Variants in TBC1D22A observed in about 807,000 individuals in gnomAD.
TBC1D22A encodes the protein putative GTPase activator.
Under a neutral mutation model 60.2 loss-of-function variants are expected in TBC1D22A, and 38 were observed. The ratio of observed to expected loss-of-function variants is 0.63; its 90% CI spans 0.49 to 0.83. The LOEUF is 0.83. Ranked by LOEUF, TBC1D22A falls within the 40% of genes least tolerant of loss-of-function variation. The probability of loss-of-function intolerance (pLI) is 0.00; values close to 1 mark genes in which losing one functional copy is unlikely to be tolerated. For synonymous variants in TBC1D22A, 302 were observed against 281.7 expected, an observed-to-expected ratio of 1.07 and a Z score of -0.72; for missense variants, 628 against 701.0, an observed-to-expected ratio of 0.90 and a Z score of 1.18.
intron 12 of TBC1D22A, among the ~76,000 whole-genome samples, chr22:47,152,478 T>G (rs931523909): frequency 5.3e-5 from 8 of 152,266 alleles, no homozygotes; most frequent in Non-Finnish European, 1.5e-5. Context: ...CCCGCTTCCA[T>G]GGGATGGTGA....
intron 4 of TBC1D22A, among the ~76,000 whole-genome samples, chr22:46,809,600 A>G (rs1667438720): frequency 6.6e-6 from 1 of 152,170 alleles, no homozygotes. Context: ...GGGTCAGGGC[A>G]GTATGGGAAA....
chr22:47,020,356 C>A (rs1035970239), intron 10 of TBC1D22A, among the ~76,000 whole-genome samples: 3 of 152,150 alleles, frequency 2.0e-5, no homozygotes, highest in Admixed American at 2.0e-4. Flanking sequence ...GAGAGAGGGA[C>A]TCTATCCGGG....
At chr22:46,995,781 C>T (rs1179802902) in intron 9 of TBC1D22A, among the ~76,000 whole-genome samples, 8 of 152,134 alleles carry the variant, frequency 5.3e-5, no homozygotes, top group Admixed American at 1.3e-4. Context: ...TCTGTGGCCG[C>T]GTCCCCTCAC....
rs568475207 is a variant in TBC1D22A at position 46,906,400 on chromosome 22, A to AAAT, written c.901-5674_901-5673insAAT. Among the ~76,000 whole-genome samples, 1,110 of 152,256 alleles carry AAAT rather than the reference A, an allele frequency of 7.3e-3. 15 individuals are homozygous for AAAT. The highest frequency in any genetic ancestry group is 0.025 in the African/African-American group (1,037 of 41,558). On this transcript the variant is annotated intron_variant, in intron 7 of 12. Transcript: ENST00000337137. Reference sequence around the variant, plus strand: ...GATTTAATTGGCGAGGCTGGTGTGCATTTAGGATAGGTTAGCTGCCTGGGC... The same window carrying AAAT: ...GATTTAATTGGCGAGGCTGGTGTGCAAATTTTAGGATAGGTTAGCTGCCTGGGC...
chr22:46,907,122 G>A (rs896702972), intron 7 of TBC1D22A, among the ~76,000 whole-genome samples: 3 of 151,848 alleles, frequency 2.0e-5, no homozygotes, highest in Non-Finnish European at 2.9e-5. Context: ...TTCTCCGTGC[G>A]TGTGCTCTTC....
At chr22:46,904,142 T>TCTATCTGCCTAC (rs57116517) in intron 7 of TBC1D22A, among the ~76,000 whole-genome samples, 4,425 of 134,540 alleles carry the variant, frequency 0.033, 115 homozygotes, top group Middle Eastern at 0.078. Flanking sequence ...TATCTATCTA[T>TCTATCTGCCTAC]CTACCTACCT....
chr22:47,117,984 A>G (rs1277034949), intron 12 of TBC1D22A, among the ~76,000 whole-genome samples: 1 of 152,114 alleles, frequency 6.6e-6, no homozygotes, highest in East Asian at 1.9e-4. Context: ...TTAGCTGGGC[A>G]TGCTGGTGGG....
rs1246105409 is a variant in TBC1D22A, at chr22:47,009,675, AC to A, written c.1201+11968del. Among the ~76,000 whole-genome samples, 2 of 151,706 alleles carry A rather than the reference AC, an allele frequency of 1.3e-5. No homozygotes were observed. Among genetic ancestry groups the A allele is most frequent in the African/African-American group, 4.8e-5 (2 of 41,354 alleles). On this transcript the variant is annotated intron_variant, in intron 10 of 12. Transcript: ENST00000337137. The surrounding 1 kb of genome is among the most constrained non-coding windows in gnomAD (Gnocchi z 5.8). ...CATCATCACCATCATCATCACTATCACCAGCATCATTTCATCACCATCACCA... is the reference window on the plus strand; with the variant it reads ...CATCATCACCATCATCATCACTATCACAGCATCATTTCATCACCATCACCA...
At chr22:47,006,207 C>T (rs1256127683) in intron 10 of TBC1D22A, among the ~76,000 whole-genome samples, 3 of 152,212 alleles carry the variant, frequency 2.0e-5, no homozygotes, top group African/African-American at 7.2e-5. Context: ...CACCCTGTCT[C>T]CTCCAGGAGA....
intron 9 of TBC1D22A, among the ~76,000 whole-genome samples, chr22:46,984,508 G>A (rs2074648071): frequency 6.7e-6 from 1 of 149,278 alleles, no homozygotes; most frequent in Non-Finnish European, 1.5e-5. Flanking sequence ...TGCCAAGGTT[G>A]TCGGTTCGCT....
rs184502861 is a variant in TBC1D22A at position 46,793,966 on chromosome 22, C to T, written c.460+125C>T. On this transcript the variant is annotated intron_variant, in intron 3 of 12. Coordinates refer to ENST00000337137, the MANE Select transcript of TBC1D22A (RefSeq NM_014346.5). ...CATTTGCAGCAGGCCCCCTGGCCCA[C>T]GAGAGCCCTTATGGTTCTCTTCCAA... The T allele has an allele frequency of 6.2e-5, 57 of 920,590 alleles. No homozygotes were observed. In the East Asian group the frequency reaches 1.2e-3, roughly 19 times the overall value. The allele number at this position is 920,590 out of a possible 1,614,324, so 57.0% of individuals were successfully genotyped here.
In TBC1D22A at chr22:46,842,742, C is replaced by T. The variant is rs1484955663; in HGVS notation, c.638-35911C>T. 2.6e-5 allele frequency among the ~76,000 whole-genome samples: 4 copies of T among 152,244 alleles called. No individual in the cohort carries two copies. In the East Asian group the frequency reaches 5.8e-4, roughly 22 times the overall value. On this transcript the variant is annotated intron_variant, in intron 4 of 12. Transcript: ENST00000337137. Reference sequence around the variant, plus strand: ...CCAGGGCCCTTTGGCAGTGCACACACTGTGTAGCCACGCCCAGCGGGCAGC... The same window carrying T: ...CCAGGGCCCTTTGGCAGTGCACACATTGTGTAGCCACGCCCAGCGGGCAGC...
chr22:46,948,644 C>CAG (rs769979654), intron 8 of TBC1D22A, among the ~76,000 whole-genome samples: 31 of 152,348 alleles, frequency 2.0e-4, no homozygotes, highest in Non-Finnish European at 3.8e-4. Flanking sequence ...TGATGCAGCA[C>CAG]AGAAGCTGTC....
At chr22:46,893,525 G>A (rs2068512698) in intron 6 of TBC1D22A, among the ~76,000 whole-genome samples, 1 of 152,216 alleles carries the variant, frequency 6.6e-6, no homozygotes, top group Non-Finnish European at 1.5e-5. Context: ...GGGCTTTGCT[G>A]GCCCTGGTCA....
At chr22:46,899,399 G>A (rs1490413641) in intron 7 of TBC1D22A, among the ~76,000 whole-genome samples, 2 of 151,834 alleles carry the variant, frequency 1.3e-5, no homozygotes, top group Non-Finnish European at 2.9e-5. Flanking sequence ...GTGAGCCGAG[G>A]TGGCGCCACT....
intron 10 of TBC1D22A, among the ~76,000 whole-genome samples, chr22:47,036,175 G>A (rs1042908489): frequency 6.6e-6 from 1 of 152,094 alleles, no homozygotes; most frequent in Non-Finnish European, 1.5e-5. Flanking sequence ...GTGCACCTGC[G>A]TTTTAAAAAC....
chr22:46,837,612 A>G (rs1335226117), intron 4 of TBC1D22A, among the ~76,000 whole-genome samples: 1 of 152,232 alleles, frequency 6.6e-6, no homozygotes, highest in Non-Finnish European at 1.5e-5. Flanking sequence ...CGTGAACAAG[A>G]CACCCCTAAA....
At chr22:46,902,232 G>A (rs2069049709) in intron 7 of TBC1D22A, among the ~76,000 whole-genome samples, 1 of 152,232 alleles carries the variant, frequency 6.6e-6, no homozygotes, top group Admixed American at 6.5e-5. Context: ...CTGAAGTTTG[G>A]CAAGCAAGCT....
At position 46,828,946 on chromosome 22, in the gene TBC1D22A, G is replaced by A. The variant is rs2086189821; in HGVS notation, c.637+31326G>A. 2.0e-5 allele frequency among the ~76,000 whole-genome samples: 3 copies of A among 152,094 alleles called. No individual in the cohort carries two copies. In the South Asian group the frequency reaches 6.2e-4, roughly 32 times the overall value. Reference sequence around the variant, plus strand: ...CGACCTACATGGCAGGTTCTATATTGTCTGTTTCAGATGAGCTAGAGGCAC... The same window carrying A: ...CGACCTACATGGCAGGTTCTATATTATCTGTTTCAGATGAGCTAGAGGCAC... On this transcript the variant is annotated intron_variant, in intron 4 of 12. Transcript: ENST00000337137.
Sources: gnomAD v4.1 joint callset for allele counts (sites outside exome capture counted in the v4.1 genomes callset) on GRCh38, gnomAD v4.1.1 for gene constraint, Gnocchi (gnomAD v3.1) non-coding constraint, MANE v1.5 for transcripts, NCBI Gene and HGNC (gene_info 2026-07-23, HGNC 2026-07-21) for gene names.